Variants in CACNA2D1 observed in about 807,000 individuals in gnomAD.
The protein encoded by CACNA2D1 is voltage-dependent calcium channel subunit alpha-2/delta-1.
A neutral mutation model predicts 171.5 loss-of-function variants in CACNA2D1; 53 were observed. That is an observed-to-expected ratio of 0.31 (90% CI 0.25 to 0.39). The LOEUF (loss-of-function observed/expected upper bound fraction) is 0.39. Ranked by LOEUF, CACNA2D1 falls within the 10% of genes least tolerant of loss-of-function variation. CACNA2D1 has a pLI of 1.00. For synonymous variants in CACNA2D1, 442 were observed against 443.1 expected, an observed-to-expected ratio of 1.00 and a Z score of 0.03; for missense variants, 903 against 1,299.8, an observed-to-expected ratio of 0.69 and a Z score of 4.69.
intron 24 of CACNA2D1, among the ~76,000 whole-genome samples, chr7:81,980,106 T>C (rs540262439): frequency 4.1e-4 from 57 of 140,240 alleles, no homozygotes; most frequent in African/African-American, 1.4e-3. Context: ...CATATGTATG[T>C]ATGTGTGTGT....
At chr7:82,443,804 A>C, upstream of CACNA2D1, 1 of 770,138 alleles carries the variant, frequency 1.3e-6, no homozygotes, top group Non-Finnish European at 1.7e-6. Context: ...TCCCTGATTT[A>C]TTCCCCCGAT....
chr7:82,403,719 A>G (rs1309067320), intron 1 of CACNA2D1, among the ~76,000 whole-genome samples: 2 of 152,210 alleles, frequency 1.3e-5, no homozygotes, highest in Admixed American at 1.3e-4. Context: ...CCCAAACTAT[A>G]TGGATACTAC....
intron 10 of CACNA2D1, among the ~76,000 whole-genome samples, chr7:82,040,731 T>C (rs1456795627): frequency 1.3e-5 from 2 of 152,024 alleles, no homozygotes; most frequent in African/African-American, 2.4e-5. Context: ...TCCCAGCATT[T>C]TGGGAGGCCA....
chr7:81,959,616 G>C (rs1481371786), intron 37 of CACNA2D1, 104 bp downstream of exon 37: 1 of 1,254,350 alleles, frequency 8.0e-7, no homozygotes, highest in South Asian at 1.3e-5. Flanking sequence ...GAGGTGATCA[G>C]AGCAGTCTAA....
intron 3 of CACNA2D1, among the ~76,000 whole-genome samples, chr7:82,322,688 T>C (rs1481381471): frequency 6.6e-6 from 1 of 152,188 alleles, no homozygotes; most frequent in East Asian, 1.9e-4. Flanking sequence ...TGACAGAGCA[T>C]TTCATCATTC....
chr7:81,955,319 T>C (rs547498944), intron 38 of CACNA2D1, among the ~76,000 whole-genome samples: 6 of 152,266 alleles, frequency 3.9e-5, no homozygotes, highest in African/African-American at 1.4e-4. Context: ...TTAGCCAGAC[T>C]ACATTGGAGC....
At chr7:82,385,802 T>C (rs777979966) in intron 1 of CACNA2D1, among the ~76,000 whole-genome samples, 7 of 151,968 alleles carry the variant, frequency 4.6e-5, no homozygotes, top group Admixed American at 2.0e-4. Context: ...ATAACTGGGA[T>C]TACAGGAACC....
intron 4 of CACNA2D1, among the ~76,000 whole-genome samples, chr7:82,138,396 C>A (rs1287416700): frequency 6.8e-6 from 1 of 147,540 alleles, no homozygotes; most frequent in African/African-American, 2.5e-5. Flanking sequence ...CATAAAAATT[C>A]TAATTCCTGA....
chr7:82,443,437 G>A lies in CACNA2D1; in HGVS notation c.23C>T (p.Ala8Val). The change falls in exon 1 of 39, where the codon GCC becomes GTC. Residue 8 changes from alanine to valine, a missense_variant. By Grantham distance (64) the Ala-to-Val change is moderately conservative (BLOSUM62 0). This residue lies in a region of CACNA2D1 where 41 missense variants were observed against 27.6 expected (regional missense o/e 1.49). Coordinates refer to ENST00000356860, the MANE Select transcript of CACNA2D1 (RefSeq NM_000722.4). ...AGATTGGAAAAGTGTCAGAGTCAAG[G>A]CCAGCAGGCAGCCAGCAGCCATCTT... MAAGCLL[A>V]LTLTLFQSLL... The A allele has an allele frequency of 6.2e-7, 1 of 1,607,936 alleles. No individual in the cohort carries two copies. The highest frequency in any genetic ancestry group is 8.5e-7 in the Non-Finnish European group (1 of 1,176,830).
chr7:82,125,159 C>G (rs1031508946), intron 5 of CACNA2D1, among the ~76,000 whole-genome samples: 2 of 152,160 alleles, frequency 1.3e-5, no homozygotes, highest in African/African-American at 2.4e-5. Context: ...ATTCAGCAGA[C>G]TAGCCAAATG....
intron 3 of CACNA2D1, among the ~76,000 whole-genome samples, chr7:82,297,468 T>C (rs929898399): frequency 2.0e-5 from 3 of 152,182 alleles, no homozygotes; most frequent in Non-Finnish European, 4.4e-5. Context: ...TTTCTTCTAA[T>C]ATTACCAATG....
intron 3 of CACNA2D1, among the ~76,000 whole-genome samples, chr7:82,232,191 T>C (rs1214055206): frequency 6.6e-6 from 1 of 152,156 alleles, no homozygotes; most frequent in African/African-American, 2.4e-5. Flanking sequence ...TTTGCCAGTT[T>C]TACAAATTTA....
intron 10 of CACNA2D1, among the ~76,000 whole-genome samples, chr7:82,049,226 C>G (rs1469184574): frequency 6.6e-6 from 1 of 151,246 alleles, no homozygotes; most frequent in Non-Finnish European, 1.5e-5. Context: ...TTCTTACTGT[C>G]CATAATTTCT....
chr7:82,144,801 T>G (rs1404232850), intron 4 of CACNA2D1, among the ~76,000 whole-genome samples: 1 of 152,026 alleles, frequency 6.6e-6, no homozygotes, highest in African/African-American at 2.4e-5. Context: ...AGTTGCATAA[T>G]AAAAAATCAA....
intron 3 of CACNA2D1, among the ~76,000 whole-genome samples, chr7:82,234,618 A>T (rs1238497164): frequency 6.6e-6 from 1 of 152,108 alleles, no homozygotes; most frequent in Non-Finnish European, 1.5e-5. Flanking sequence ...CATCTTGACA[A>T]CTTTATATCA....
intron 3 of CACNA2D1, among the ~76,000 whole-genome samples, chr7:82,278,012 G>T (rs1054012090): frequency 6.6e-6 from 1 of 152,014 alleles, no homozygotes; most frequent in African/African-American, 2.4e-5. Flanking sequence ...CTCCCAAAGT[G>T]CTAGGAGTAC....
intron 24 of CACNA2D1, among the ~76,000 whole-genome samples, chr7:81,979,214 ATT>A (rs1346465421): frequency 5.3e-5 from 8 of 152,018 alleles, no homozygotes. Flanking sequence ...AAGGTTACAG[ATT>A]TTCTCTTTAT....
At chr7:82,351,477 A>C (rs2129446115) in intron 1 of CACNA2D1, among the ~76,000 whole-genome samples, 1 of 152,164 alleles carries the variant, frequency 6.6e-6, no homozygotes, top group East Asian at 1.9e-4. Flanking sequence ...CTTACATATG[A>C]AACAAACTAG....
intron 12 of CACNA2D1, among the ~76,000 whole-genome samples, chr7:82,032,396 T>C (rs1562897117): frequency 6.6e-6 from 1 of 151,810 alleles, no homozygotes; most frequent in Non-Finnish European, 1.5e-5. Context: ...TTTTTGAGTA[T>C]TTAGGAAATT....
Sources: gnomAD v4.1 joint callset for allele counts (sites outside exome capture counted in the v4.1 genomes callset) on GRCh38, gnomAD v4.1.1 for gene constraint, gnomAD v4.1.1 regional missense constraint, MANE v1.5 for transcripts, NCBI Gene and HGNC (gene_info 2026-07-23, HGNC 2026-07-21) for gene names.